KAT6B: variants seen among roughly 807,000 people sequenced by gnomAD.
KAT6B encodes the protein lysine acetyltransferase 6B.
A neutral mutation model predicts 187.5 loss-of-function variants in KAT6B; 10 were observed. That is an observed-to-expected ratio of 0.05 (90% CI 0.03 to 0.09). KAT6B has a LOEUF of 0.09. KAT6B is among the 10% of genes least tolerant of loss of function. The pLI, the probability that KAT6B is intolerant of heterozygous loss-of-function variation, is 1.00. For synonymous variants in KAT6B, 861 were observed against 926.8 expected, an observed-to-expected ratio of 0.93 and a Z score of 1.29; for missense variants, 1,952 against 2,558.9, an observed-to-expected ratio of 0.76 and a Z score of 5.12.
chr10:74,932,202 G>A (rs562806552), intron 3 of KAT6B, among the ~76,000 whole-genome samples: 1 of 152,292 alleles, frequency 6.6e-6, no homozygotes, highest in South Asian at 2.1e-4. Flanking sequence ...TCTACATCAA[G>A]TACAGTAACG....
intron 3 of KAT6B, among the ~76,000 whole-genome samples, chr10:74,940,224 C>A (rs1353891000): frequency 6.6e-6 from 1 of 151,398 alleles, no homozygotes; most frequent in Non-Finnish European, 1.5e-5. Context: ...ATAGTGCTCA[C>A]ATTGAGGAGT....
intron 6 of KAT6B, among the ~76,000 whole-genome samples, chr10:74,971,501 A>G (rs901433337): frequency 6.6e-6 from 1 of 152,188 alleles, no homozygotes; most frequent in East Asian, 1.9e-4. Flanking sequence ...CAGTTTGATA[A>G]TAGAAATATG....
Position 75,022,120 on chromosome 10 carries a change from G to C in KAT6B, c.3261G>C (p.Glu1087Asp). ...DEEEEEEEEE[E>D]EEDEEEEEEE... ...AGGAGGAAGAAGAGGAGGAAGAAGA[G>C]GAAGAGGATGAAGAGGAGGAAGAAG... Residue 1087 changes from glutamate (E) to aspartate (D), a missense_variant, in exon 16 of 18, where the codon GAG (glutamate) becomes GAC (aspartate). Physicochemically the swap from Glu to Asp is conservative, Grantham distance 45. Around this residue, in one of 9 missense-constraint regions of KAT6B, gnomAD observed 758 missense variants for 891.4 expected, o/e 0.85. Transcript: ENST00000287239. 6.2e-7 allele frequency: 1 copy of C among 1,607,638 alleles called. No individual in the cohort carries two copies. Among genetic ancestry groups the C allele is most frequent in the Non-Finnish European group, 8.5e-7 (1 of 1,177,022 alleles).
chr10:74,896,341 G>A (rs990409564), intron 3 of KAT6B, among the ~76,000 whole-genome samples: 1 of 152,164 alleles, frequency 6.6e-6, no homozygotes, highest in Non-Finnish European at 1.5e-5. Flanking sequence ...CCAGGCTGGA[G>A]TACAGTGGCA....
intron 3 of KAT6B, among the ~76,000 whole-genome samples, chr10:74,852,267 A>G (rs1206581333): frequency 6.6e-6 from 1 of 152,200 alleles, no homozygotes; most frequent in Admixed American, 6.5e-5. Context: ...AAAATCGAAT[A>G]AATCTCTAAA....
chr10:74,865,394 GAATT>G (rs930549242), intron 3 of KAT6B, among the ~76,000 whole-genome samples: 83 of 152,066 alleles, frequency 5.5e-4, no homozygotes, highest in East Asian at 2.3e-3. Flanking sequence ...TTTCTTTTTT[GAATT>G]AATTATTTGG....
At chr10:74,960,146 C>G in intron 4 of KAT6B, 68 bp downstream of exon 4, 2 of 1,018,382 alleles carry the variant, frequency 2.0e-6, no homozygotes, top group South Asian at 2.5e-5. Context: ...CTATTTGTCT[C>G]TCTATTAAAA....
At chr10:74,914,387 T>C (rs1005227603) in intron 3 of KAT6B, among the ~76,000 whole-genome samples, 2 of 152,312 alleles carry the variant, frequency 1.3e-5, no homozygotes, top group African/African-American at 4.8e-5. Flanking sequence ...ATTAATTCTT[T>C]TTTAACTGAA....
intron 3 of KAT6B, among the ~76,000 whole-genome samples, chr10:74,903,359 C>G (rs967603777): frequency 7.2e-5 from 11 of 152,218 alleles, no homozygotes; most frequent in African/African-American, 2.2e-4. Flanking sequence ...GTGGGCTGAT[C>G]TAATCACACA....
chr10:75,006,991 C>T (rs913081731), intron 13 of KAT6B, among the ~76,000 whole-genome samples: 2 of 151,352 alleles, frequency 1.3e-5, no homozygotes, highest in South Asian at 2.1e-4. Flanking sequence ...TCCCTTGAAC[C>T]CGGGAGGCGG....
At chr10:74,934,565 G>C (rs1849107811) in intron 3 of KAT6B, among the ~76,000 whole-genome samples, 2 of 152,080 alleles carry the variant, frequency 1.3e-5, no homozygotes, top group Non-Finnish European at 2.9e-5. Flanking sequence ...CCACACATCA[G>C]AATCGATCAC....
chr10:74,834,289 C>T (rs1266238412), intron 1 of KAT6B, among the ~76,000 whole-genome samples: 3 of 151,964 alleles, frequency 2.0e-5, no homozygotes, highest in East Asian at 1.9e-4. Context: ...CCACCACCTC[C>T]GGGGTTCAAG....
At chr10:74,864,344 G>A (rs1022737409) in intron 3 of KAT6B, among the ~76,000 whole-genome samples, 1 of 152,090 alleles carries the variant, frequency 6.6e-6, no homozygotes, top group Non-Finnish European at 1.5e-5. Flanking sequence ...AGGTTCAGGC[G>A]ATTCTCCTGC....
intron 1 of KAT6B, among the ~76,000 whole-genome samples, chr10:74,830,762 A>ATGTATATG (rs1840754216): frequency 3.7e-5 from 1 of 27,198 alleles, no homozygotes; most frequent in African/African-American, 2.9e-4. Flanking sequence ...ATATATATAT[A>ATGTATATG]TATATATTTT....
At chr10:74,830,768 A>ATTT (rs1157500089) in intron 1 of KAT6B, among the ~76,000 whole-genome samples, 1 of 17,110 alleles carries the variant, frequency 5.8e-5, no homozygotes, top group Non-Finnish European at 9.5e-5. Context: ...ATATATATAT[A>ATTT]TTTTTTTTTT....
intron 7 of KAT6B, among the ~76,000 whole-genome samples, chr10:74,973,642 T>G (rs1841981805): frequency 6.6e-6 from 1 of 152,188 alleles, no homozygotes; most frequent in Non-Finnish European, 1.5e-5. Context: ...CACCTTTATC[T>G]CCTAAGAAGA....
intron 17 of KAT6B, 67 bp downstream of exon 17, chr10:75,025,316 AGGCC>A: frequency 6.4e-7 from 1 of 1,556,912 alleles, no homozygotes; most frequent in Non-Finnish European, 8.8e-7. Flanking sequence ...GCCAAAGAGC[AGGCC>A]TCTGGCGTGA....
chr10:74,991,567 C>A (rs1477668620), intron 13 of KAT6B, among the ~76,000 whole-genome samples: 1 of 152,206 alleles, frequency 6.6e-6, no homozygotes, highest in Non-Finnish European at 1.5e-5. Flanking sequence ...TGGCTCCAGG[C>A]CACCATGATG....
chr10:74,840,891 T>C (rs1402196595), intron 2 of KAT6B, among the ~76,000 whole-genome samples: 1 of 152,238 alleles, frequency 6.6e-6, no homozygotes, highest in Non-Finnish European at 1.5e-5. Flanking sequence ...GCAAATACTA[T>C]ATTCTTCAGT....
Sources: allele counts gnomAD v4.1 joint callset (sites outside exome capture counted in the v4.1 genomes callset), GRCh38; gene constraint gnomAD v4.1.1; regional missense constraint gnomAD v4.1.1; transcripts MANE v1.5; gene names NCBI Gene and HGNC (gene_info 2026-07-23, HGNC 2026-07-21).